The following SLC35B4 variants were observed in gnomAD, a reference collection of about 807,000 sequenced individuals.
The protein encoded by SLC35B4 is solute carrier family 35 member B4, also known as nucleotide sugar transporter SLC35B4.
Under a neutral mutation model 39.5 loss-of-function variants are expected in SLC35B4, and 28 were observed. The observed-to-expected ratio is 0.71, with a 90% CI of 0.53 to 0.97. The LOEUF (loss-of-function observed/expected upper bound fraction) is 0.97, where lower values mean the gene tolerates loss of function less well. Among genes scored for constraint, SLC35B4 ranks in the 50% least tolerant of loss-of-function variants. SLC35B4 has a pLI of 0.00. For missense variants in SLC35B4, 334 were observed against 414.3 expected, an observed-to-expected ratio of 0.81 and a Z score of 1.68; for synonymous variants, 145 against 150.4, an observed-to-expected ratio of 0.96 and a Z score of 0.26.
intron 4 of SLC35B4, among the ~76,000 whole-genome samples, chr7:134,304,076 G>A (rs1256413554): frequency 6.6e-6 from 1 of 152,158 alleles, no homozygotes; most frequent in Non-Finnish European, 1.5e-5. Flanking sequence ...TAGGGCAGAA[G>A]TATCCCATGG....
Position 134,316,661 on chromosome 7 carries a change from A to G in SLC35B4, c.77+14T>C. 1.3e-6 allele frequency: 2 copies of G among 1,549,062 alleles called. No individual in the cohort carries two copies. The highest frequency in any genetic ancestry group is 1.8e-4 in the Middle Eastern group (1 of 5,550). ...GCCCCGGGAGACCGGGTGCGGCCCG[A>G]GCGGGTCACTCACCGGGCCAGGAGC... On this transcript the variant is annotated intron_variant, in intron 1 of 9. Transcript: ENST00000378509.
chr7:134,304,642 G>A (rs1803665458), intron 4 of SLC35B4, among the ~76,000 whole-genome samples, 163 bp downstream of exon 4: 1 of 152,018 alleles, frequency 6.6e-6, no homozygotes, highest in Non-Finnish European at 1.5e-5. Context: ...GCTGCTTCAG[G>A]ACATTGCATG....
rs973301658 is a variant in SLC35B4 at position 134,294,698 on chromosome 7, C to G, written c.*135G>C. ...TCAGTCTGAGCAACGTGAGAAGTCCCCTCCTGAAGATTTCCTTTTGCACGG... is the reference window on the plus strand; with the variant it reads ...TCAGTCTGAGCAACGTGAGAAGTCCGCTCCTGAAGATTTCCTTTTGCACGG... On this transcript the variant is annotated 3_prime_UTR_variant, in exon 10 of 10. Transcript: ENST00000378509. The G allele has an allele frequency of 4.8e-5, 54 of 1,117,762 alleles. No homozygotes were observed. Among genetic ancestry groups the G allele is most frequent in the Non-Finnish European group, 5.9e-5 (47 of 794,686 alleles). The allele number at this position is 1,117,762 out of a possible 1,614,324, so 69.2% of individuals were successfully genotyped here.
At chr7:134,317,840 T>C (rs540769219), upstream of SLC35B4, among the ~76,000 whole-genome samples, 1 of 149,024 alleles carries the variant, frequency 6.7e-6, no homozygotes, top group Admixed American at 6.6e-5. Context: ...ATGCACACTT[T>C]ATCCACCCAG....
intron 2 of SLC35B4, 149 bp from the exon 3 acceptor site, chr7:134,306,923 A>G: frequency 1.8e-6 from 1 of 546,876 alleles, no homozygotes. Flanking sequence ...GTCAACTACT[A>G]AGTACATATC....
chr7:134,294,736 T>C lies in SLC35B4; in HGVS notation c.*97A>G. On this transcript the variant is annotated 3_prime_UTR_variant, in exon 10 of 10. Coordinates refer to ENST00000378509, the MANE Select transcript of SLC35B4 (RefSeq NM_032826.5). ...TCCTTTTGCACGGCTGGCTCAGCAC[T>C]GCGGGTAGCTCGGCATTAACAAAAG... 6.7e-7 allele frequency: 1 copy of C among 1,501,450 alleles called. No homozygotes were observed. Among genetic ancestry groups the C allele is most frequent in the Non-Finnish European group, 9.0e-7 (1 of 1,107,284 alleles). The allele number at this position is 1,501,450 out of a possible 1,614,324, so 93.0% of individuals were successfully genotyped here.
At chr7:134,318,071 T>C (rs1207895494), upstream of SLC35B4, among the ~76,000 whole-genome samples, 1 of 149,474 alleles carries the variant, frequency 6.7e-6, no homozygotes, top group Non-Finnish European at 1.5e-5. Flanking sequence ...TTCTGAAGTC[T>C]TTCTCGAGAT....
intron 3 of SLC35B4, 38 bp from the exon 4 acceptor site, chr7:134,304,892 C>T (rs1180978789): frequency 1.9e-6 from 3 of 1,545,186 alleles, no homozygotes; most frequent in Non-Finnish European, 2.7e-6. Flanking sequence ...AGGTTTAGTG[C>T]ACTAGGAAAA....
chr7:134,316,550 T>C, intron 1 of SLC35B4, 125 bp downstream of exon 1: 1 of 987,820 alleles, frequency 1.0e-6, no homozygotes. Flanking sequence ...GCTCAGGCCG[T>C]CCTGCCCCGG....
chr7:134,296,284 C>T (rs182620110), intron 9 of SLC35B4, 107 bp downstream of exon 9: 88 of 1,017,822 alleles, frequency 8.6e-5, no homozygotes, highest in Non-Finnish European at 1.2e-4. Context: ...ATAAATCCAG[C>T]GAAAATCATA....
chr7:134,304,593 G>C (rs1256860118), intron 4 of SLC35B4, among the ~76,000 whole-genome samples: 5 of 152,064 alleles, frequency 3.3e-5, no homozygotes, highest in East Asian at 1.9e-4. Flanking sequence ...TATTCAGTTC[G>C]ACACAGAGAC....
intron 1 of SLC35B4, among the ~76,000 whole-genome samples, chr7:134,311,797 G>C (rs558405255): frequency 3.3e-5 from 5 of 152,308 alleles, no homozygotes; most frequent in Admixed American, 2.6e-4. Context: ...AGCCAGGTTG[G>C]AGAAATACCA....
rs1293895805 is a variant in SLC35B4, at chr7:134,296,407, T to C, written c.733A>G (p.Met245Val). 3.7e-6 allele frequency: 6 copies of C among 1,613,980 alleles called. No homozygotes were observed. Among genetic ancestry groups the C allele is most frequent in the East Asian group, 2.2e-5 (1 of 44,886 alleles). The change falls in exon 9 of 10, where the codon ATG becomes GTG. Residue 245 changes from methionine to valine, a missense_variant. Coordinates refer to ENST00000378509, the MANE Select transcript of SLC35B4 (RefSeq NM_032826.5). ...AAAGGATACTGAGTGATGATGTTCA[T>C]GAGGAGGTAGAACCACATGATGGGC... ...TLPIMWFYLL[M>V]NIITQYVCIR...
At chr7:134,308,022 T>G (rs74674718) in intron 2 of SLC35B4, among the ~76,000 whole-genome samples, 4,006 of 152,286 alleles carry the variant, frequency 0.026, 113 homozygotes, top group African/African-American at 0.067. Context: ...TCCACATTGC[T>G]TGCCTAGAAA....
In SLC35B4 at chr7:134,307,819, A is replaced by G. The variant is rs1322474665; in HGVS notation, c.192-1045T>C. 2.6e-5 allele frequency among the ~76,000 whole-genome samples: 4 copies of G among 152,346 alleles called. No homozygotes were observed. In the East Asian group the frequency reaches 7.7e-4, roughly 29 times the overall value. On this transcript the variant is annotated intron_variant, in intron 2 of 9. Transcript: ENST00000378509. ...GCAGTCAAGCCAAGGCTGAATTAAT[A>G]TAGTCTGGAAAGTCTGAGGAACTTG...
rs574665552 is a variant in SLC35B4, at chr7:134,294,835, A to C, written c.994T>G (p.Ter332GlyextTer12). The change falls in exon 10 of 10, where the codon TGA (stop) becomes GGA (glycine). Residue 332 changes from the stop codon to glycine, a stop_lost. Transcript: ENST00000378509. ...SEPQKDSKKN* is the reference protein window; with the variant it reads ...SEPQKDSKKNG The stretch of plus-strand genomic sequence containing the variant: ...GGTCTACGTACTCCAGACAGGCCTC[A>C]GTTCTTCTTGCTGTCCTTCTGAGGC... 1 of 1,613,986 alleles carries C rather than the reference A, an allele frequency of 6.2e-7. No individual in the cohort carries two copies. Among genetic ancestry groups the C allele is most frequent in the African/African-American group, 1.3e-5 (1 of 75,018 alleles).
chr7:134,317,934 G>T (rs965188399), upstream of SLC35B4, among the ~76,000 whole-genome samples: 3 of 152,182 alleles, frequency 2.0e-5, no homozygotes, highest in African/African-American at 7.2e-5. Context: ...TCACTGCTCA[G>T]TATTTTACCA....
intron 2 of SLC35B4, 148 bp from the exon 3 acceptor site, chr7:134,306,922 T>C: frequency 1.8e-6 from 1 of 545,694 alleles, no homozygotes; most frequent in Non-Finnish European, 3.3e-6. Context: ...TGTCAACTAC[T>C]AAGTACATAT....
At chr7:134,296,815 G>A (rs769232820) in intron 8 of SLC35B4, among the ~76,000 whole-genome samples, 2 of 152,134 alleles carry the variant, frequency 1.3e-5, no homozygotes, top group Non-Finnish European at 2.9e-5. Context: ...GAGGAAAGGC[G>A]GCTAGCAACT....
Sources: allele counts gnomAD v4.1 joint callset (sites outside exome capture counted in the v4.1 genomes callset), GRCh38; gene constraint gnomAD v4.1.1; transcripts MANE v1.5; gene names NCBI Gene and HGNC (gene_info 2026-07-23, HGNC 2026-07-21).